SLC39A11: variants seen among roughly 807,000 people sequenced by gnomAD.
The protein encoded by SLC39A11 is solute carrier family 39 member 11.
A neutral mutation model predicts 36.1 loss-of-function variants in SLC39A11; 33 were observed. The ratio of observed to expected loss-of-function variants is 0.91; its 90% CI spans 0.69 to 1.22. The LOEUF is 1.22. Ranked by LOEUF, SLC39A11 falls within the 50% of genes most tolerant of loss-of-function variation. The pLI, the probability that SLC39A11 is intolerant of heterozygous loss-of-function variation, is 0.00. For missense variants in SLC39A11, 432 were observed against 430.3 expected (o/e 1.00, Z -0.03); for synonymous variants, 166 against 170.3 (o/e 0.97, Z 0.20).
At chr17:72,742,310 G>A (rs1310771882) in intron 6 of SLC39A11, among the ~76,000 whole-genome samples, 3 of 152,192 alleles carry the variant, frequency 2.0e-5, no homozygotes, top group Admixed American at 6.5e-5. Flanking sequence ...TTCCGTTAGG[G>A]AGGAGGCAGC....
chr17:72,913,574 A>G (rs967220615), intron 5 of SLC39A11, among the ~76,000 whole-genome samples: 1 of 152,120 alleles, frequency 6.6e-6, no homozygotes, highest in African/African-American at 2.4e-5. Context: ...AGTAGGGGGT[A>G]GGGGGAGAGA....
chr17:72,895,778 T>C (rs1469751359), intron 5 of SLC39A11, among the ~76,000 whole-genome samples: 1 of 152,302 alleles, frequency 6.6e-6, no homozygotes, highest in Admixed American at 6.5e-5. Context: ...GGAAAGAAAA[T>C]TCCATTACTT....
intron 3 of SLC39A11, among the ~76,000 whole-genome samples, chr17:73,076,877 G>C (rs1326889870): frequency 6.6e-6 from 1 of 151,354 alleles, no homozygotes; most frequent in Non-Finnish European, 1.5e-5. Context: ...TCTAGACCCG[G>C]GTTTCTCAGC....
At position 73,062,475 on chromosome 17, in the gene SLC39A11, A is replaced by AAAAAAAAAAAAAAAAAAAAAACC. The variant is rs56021607; in HGVS notation, c.147+22332_147+22333insGGTTTTTTTTTTTTTTTTTTTTT. The stretch of plus-strand genomic sequence containing the variant: ...AGAGCTTGTCTCAAAAAAAAAAAAA[A>AAAAAAAAAAAAAAAAAAAAAACC]AAACTTTAGGTGATACACTTCTGCT... On this transcript the variant is annotated intron_variant, in intron 3 of 9. Transcript: ENST00000255559. Among the ~76,000 whole-genome samples the AAAAAAAAAAAAAAAAAAAAAACC allele has an allele frequency of 9.2e-5, 8 of 87,034 alleles. 1 individual carries two copies. Among genetic ancestry groups the AAAAAAAAAAAAAAAAAAAAAACC allele is most frequent in the Non-Finnish European group, 1.7e-4 (8 of 46,914 alleles). The allele number at this position is 87,034 out of a possible 152,430, so 57.1% of individuals were successfully genotyped here.
chr17:72,993,241 T>C (rs2089296979), intron 4 of SLC39A11, among the ~76,000 whole-genome samples: 1 of 152,146 alleles, frequency 6.6e-6, no homozygotes. Context: ...AATTTGATTA[T>C]TGTAAAGATT....
chr17:72,778,284 AGAGGCAGCAGCAG>A (rs2076201513), intron 6 of SLC39A11, among the ~76,000 whole-genome samples: 1 of 152,194 alleles, frequency 6.6e-6, no homozygotes, highest in Non-Finnish European at 1.5e-5. Flanking sequence ...TCAGCTCCGC[AGAGGCAGCAGCAG>A]GATTCATGCT....
At chr17:72,751,302 A>C (rs1423924619) in intron 6 of SLC39A11, among the ~76,000 whole-genome samples, 5 of 152,238 alleles carry the variant, frequency 3.3e-5, no homozygotes, top group Non-Finnish European at 2.9e-5. Flanking sequence ...TTATATAATC[A>C]GGTTGCTATA....
chr17:73,090,599 T>A (rs768575012), intron 1 of SLC39A11, among the ~76,000 whole-genome samples: 8 of 152,178 alleles, frequency 5.3e-5, no homozygotes, highest in Non-Finnish European at 1.2e-4. Flanking sequence ...TCTTAGTACT[T>A]ATCATCCAAG....
chr17:73,082,982 C>G (rs1421074287), intron 3 of SLC39A11, among the ~76,000 whole-genome samples: 2 of 139,326 alleles, frequency 1.4e-5, no homozygotes, highest in African/African-American at 5.4e-5. Flanking sequence ...AGCCACTGCA[C>G]TCCAGCCTGG....
intron 4 of SLC39A11, among the ~76,000 whole-genome samples, chr17:73,021,663 C>A (rs1471444609): frequency 6.6e-6 from 1 of 152,150 alleles, no homozygotes. Context: ...TCTTTGCCAC[C>A]CTCGGCTATC....
chr17:72,777,387 T>A (rs2076170885), intron 6 of SLC39A11, among the ~76,000 whole-genome samples: 1 of 151,964 alleles, frequency 6.6e-6, no homozygotes, highest in African/African-American at 2.4e-5. Flanking sequence ...TACTCAAACC[T>A]CAGAACATGA....
chr17:73,087,105 T>C (rs2060758794), intron 2 of SLC39A11, among the ~76,000 whole-genome samples: 1 of 152,046 alleles, frequency 6.6e-6, no homozygotes, highest in African/African-American at 2.4e-5. Flanking sequence ...TCTGTACTCA[T>C]TCAAGAATAA....
At chr17:72,661,320 G>A (rs2070407373) in intron 7 of SLC39A11, among the ~76,000 whole-genome samples, 1 of 152,040 alleles carries the variant, frequency 6.6e-6, no homozygotes. Flanking sequence ...TGGGGTTCGA[G>A]GTGCACGCTC....
intron 4 of SLC39A11, among the ~76,000 whole-genome samples, chr17:73,024,388 G>A (rs775913269): frequency 2.6e-5 from 4 of 152,150 alleles, no homozygotes; most frequent in Non-Finnish European, 5.9e-5. Context: ...CCCACGAAAC[G>A]AGTCGGGCTT....
intron 3 of SLC39A11, among the ~76,000 whole-genome samples, chr17:73,038,242 C>CA (rs1568168569): frequency 3.9e-5 from 6 of 151,940 alleles, no homozygotes; most frequent in Non-Finnish European, 5.9e-5. Flanking sequence ...ACAAACAAAC[C>CA]AACAAAAACA....
chr17:73,018,552 A>G (rs2058244215), intron 4 of SLC39A11, among the ~76,000 whole-genome samples: 1 of 152,182 alleles, frequency 6.6e-6, no homozygotes, highest in Admixed American at 6.5e-5. Flanking sequence ...CATAACAAAA[A>G]AAAACAATAA....
chr17:72,692,738 G>C (rs1181562298), intron 7 of SLC39A11, among the ~76,000 whole-genome samples: 3 of 152,156 alleles, frequency 2.0e-5, no homozygotes, highest in East Asian at 3.9e-4. Flanking sequence ...TGAGAACAGA[G>C]AGGTAAAGAA....
chr17:72,992,143 G>A (rs2089222840), intron 4 of SLC39A11, among the ~76,000 whole-genome samples: 1 of 152,160 alleles, frequency 6.6e-6, no homozygotes, highest in Non-Finnish European at 1.5e-5. Flanking sequence ...CCTGAGTTCA[G>A]GAGTTCCAGA....
intron 4 of SLC39A11, among the ~76,000 whole-genome samples, chr17:72,949,968 C>T (rs893176495): frequency 6.8e-6 from 1 of 147,666 alleles, no homozygotes; most frequent in African/African-American, 2.5e-5. Flanking sequence ...CACACACACA[C>T]ACACACACAC....
Sources: allele counts gnomAD v4.1 joint callset (sites outside exome capture counted in the v4.1 genomes callset), GRCh38; gene constraint gnomAD v4.1.1; transcripts MANE v1.5; gene names NCBI Gene and HGNC (gene_info 2026-07-23, HGNC 2026-07-21).